MAPKAP1: variants seen among roughly 807,000 people sequenced by gnomAD.
The protein encoded by MAPKAP1 is target of rapamycin complex 2 subunit MAPKAP1.
Under a neutral mutation model 65.7 loss-of-function variants are expected in MAPKAP1, and 20 were observed. The ratio of observed to expected loss-of-function variants is 0.30; its 90% CI spans 0.21 to 0.44. The LOEUF (loss-of-function observed/expected upper bound fraction) is 0.44, where lower values mean the gene tolerates loss of function less well. Among genes scored for constraint, MAPKAP1 ranks in the 20% least tolerant of loss-of-function variants. The pLI is 1.00. For synonymous variants in MAPKAP1, 222 were observed against 244.3 expected (o/e 0.91, Z 0.85); for missense variants, 423 against 648.0 (o/e 0.65, Z 3.77).
intron 1 of MAPKAP1, among the ~76,000 whole-genome samples, chr9:125,706,716 T>C (rs1835772393): frequency 6.8e-6 from 1 of 148,140 alleles, no homozygotes; most frequent in South Asian, 2.2e-4. Context: ...ACTGCCGGAG[T>C]CAACTACACC....
intron 10 of MAPKAP1, among the ~76,000 whole-genome samples, chr9:125,449,953 C>T (rs1852880628): frequency 6.6e-6 from 1 of 151,878 alleles, no homozygotes. Flanking sequence ...GATGGAGTCT[C>T]ACTCTGTCAC....
intron 4 of MAPKAP1, chr9:125,652,243 T>A (rs16928370): frequency 7.8e-7 from 1 of 1,290,238 alleles, no homozygotes; most frequent in East Asian, 4.8e-5. Flanking sequence ...TTATCCGACA[T>A]AGACTGGAAC....
At chr9:125,608,660 G>A (rs1208170013) in intron 4 of MAPKAP1, among the ~76,000 whole-genome samples, 1 of 152,140 alleles carries the variant, frequency 6.6e-6, no homozygotes, top group African/African-American at 2.4e-5. Context: ...TGTCTTCTGC[G>A]CAGCCACTGC....
chr9:125,604,369 T>C (rs1832387078), intron 4 of MAPKAP1, among the ~76,000 whole-genome samples: 1 of 152,254 alleles, frequency 6.6e-6, no homozygotes, highest in Non-Finnish European at 1.5e-5. Context: ...AAGGCTCCAG[T>C]AGGCAACGGC....
intron 8 of MAPKAP1, among the ~76,000 whole-genome samples, chr9:125,486,457 G>C (rs962069644): frequency 2.0e-5 from 3 of 152,180 alleles, no homozygotes; most frequent in East Asian, 3.8e-4. Flanking sequence ...GAGAACTCTA[G>C]GGGGAATGGA....
At chr9:125,479,558 C>A (rs1854232861) in intron 9 of MAPKAP1, among the ~76,000 whole-genome samples, 1 of 143,216 alleles carries the variant, frequency 7.0e-6, no homozygotes, top group African/African-American at 2.6e-5. Context: ...CCAGCCTGGG[C>A]AACAAGAGCG....
In MAPKAP1 at chr9:125,566,808, G is replaced by A. The variant is rs534672733; in HGVS notation, c.672-6999C>T. Among the ~76,000 whole-genome samples the A allele has an allele frequency of 3.8e-4, 58 of 152,094 alleles. 1 individual carries two copies. The highest frequency in any genetic ancestry group is 2.0e-3 in the Admixed American group (30 of 15,286). ...GCTAGAAGTTTTAATTAATATTTAC[G>A]TAGATGACTCCTAAATTCATATTTC... On this transcript the variant is annotated intron_variant, in intron 5 of 11. Transcript: ENST00000265960.
At chr9:125,517,647 G>A (rs1040849775) in intron 7 of MAPKAP1, among the ~76,000 whole-genome samples, 2 of 152,196 alleles carry the variant, frequency 1.3e-5, no homozygotes, top group African/African-American at 4.8e-5. Flanking sequence ...AGGAAAGGGC[G>A]TACCGCTGAA....
intron 10 of MAPKAP1, among the ~76,000 whole-genome samples, chr9:125,459,928 G>A (rs1281656768): frequency 4.0e-5 from 6 of 151,864 alleles, no homozygotes; most frequent in African/African-American, 1.5e-4. Flanking sequence ...TGAAACTATG[G>A]CTTACTTTTT....
intron 6 of MAPKAP1, among the ~76,000 whole-genome samples, chr9:125,554,400 A>G (rs892081833): frequency 6.6e-6 from 1 of 152,186 alleles, no homozygotes; most frequent in African/African-American, 2.4e-5. Context: ...AGCATCAGGG[A>G]GTGCTCATAG....
At chr9:125,468,247 A>C in intron 9 of MAPKAP1, 138 bp from the exon 10 acceptor site, 1 of 829,716 alleles carries the variant, frequency 1.2e-6, no homozygotes, top group Non-Finnish European at 1.9e-6. Context: ...GGGGAATGCC[A>C]CGGGCTTCCT....
intron 1 of MAPKAP1, among the ~76,000 whole-genome samples, chr9:125,675,425 T>C (rs539671623): frequency 1.1e-3 from 170 of 152,290 alleles, no homozygotes; most frequent in African/African-American, 3.9e-3. Flanking sequence ...ATAAGAGGAA[T>C]GGGCAAACAC....
intron 5 of MAPKAP1, 104 bp from the exon 6 acceptor site, chr9:125,559,913 T>C: frequency 8.7e-7 from 1 of 1,143,574 alleles, no homozygotes; most frequent in African/African-American, 1.6e-5. Flanking sequence ...CTGCTTTTCT[T>C]TACCCCAAGC....
chr9:125,659,090 A>G (rs1834114345), intron 3 of MAPKAP1, among the ~76,000 whole-genome samples: 1 of 152,220 alleles, frequency 6.6e-6, no homozygotes, highest in Non-Finnish European at 1.5e-5. Flanking sequence ...GAGGAATTAG[A>G]CTATAATTCA....
chr9:125,698,302 T>A (rs1289558187), intron 1 of MAPKAP1, among the ~76,000 whole-genome samples: 702 of 21,818 alleles, frequency 0.032, 16 homozygotes, highest in Non-Finnish European at 0.05. Flanking sequence ...TATATATATA[T>A]ATATATATAT....
chr9:125,469,613 C>T (rs148850914), intron 9 of MAPKAP1, among the ~76,000 whole-genome samples: 1,756 of 152,258 alleles, frequency 0.012, 17 homozygotes, highest in South Asian at 0.041. Context: ...CTGGTCAGTA[C>T]GTGTGGTCTT....
At chr9:125,448,708 A>C (rs1205001449) in intron 10 of MAPKAP1, among the ~76,000 whole-genome samples, 1 of 152,194 alleles carries the variant, frequency 6.6e-6, no homozygotes, top group East Asian at 1.9e-4. Flanking sequence ...ACTAGTTGTA[A>C]AAAAATAGCT....
intron 4 of MAPKAP1, among the ~76,000 whole-genome samples, chr9:125,641,427 T>C (rs1833574413): frequency 6.6e-6 from 1 of 152,188 alleles, no homozygotes; most frequent in Non-Finnish European, 1.5e-5. Context: ...TTTTTAATAA[T>C]GACATTTCAT....
chr9:125,561,790 G>C (rs1830901215), intron 5 of MAPKAP1, among the ~76,000 whole-genome samples: 1 of 152,080 alleles, frequency 6.6e-6, no homozygotes, highest in South Asian at 2.1e-4. Context: ...TGTAGTGTCT[G>C]GCATGTAACA....
Sources: allele counts gnomAD v4.1 joint callset (sites outside exome capture counted in the v4.1 genomes callset), GRCh38; gene constraint gnomAD v4.1.1; transcripts MANE v1.5; gene names NCBI Gene and HGNC (gene_info 2026-07-23, HGNC 2026-07-21).